The following RLIM variants were observed in gnomAD, a reference collection of about 807,000 sequenced individuals.
The protein encoded by RLIM is ring finger protein, LIM domain interacting, also known as E3 ubiquitin-protein ligase RLIM.
In RLIM, 2 loss-of-function variants were observed where a neutral mutation model predicts 34.0. The observed-to-expected ratio is 0.06, with a 90% confidence interval of 0.02 to 0.19. The LOEUF (loss-of-function observed/expected upper bound fraction) is 0.19, where lower values mean the gene tolerates loss of function less well. RLIM is among the 10% of genes least tolerant of loss of function. The probability of loss-of-function intolerance (pLI) is 1.00; values close to 1 mark genes in which losing one functional copy is unlikely to be tolerated. For synonymous variants in RLIM, 169 were observed against 164.0 expected (o/e 1.03, Z -0.23); for missense variants, 286 against 479.7 (o/e 0.60, Z 3.77).
chrX:74,603,275 C>T (rs2079668684), intron 1 of RLIM, among the ~76,000 whole-genome samples: 1 of 110,432 alleles, frequency 9.1e-6, no homozygotes, highest in African/African-American at 3.3e-5. Flanking sequence ...TACTCCCCTC[C>T]CCCAACATAC....
At chrX:74,613,305 C>T (rs1323907669) in intron 1 of RLIM, among the ~76,000 whole-genome samples, 3 of 110,883 alleles carry the variant, frequency 2.7e-5, no homozygotes, top group South Asian at 3.8e-4. Context: ...TCAGGAAATG[C>T]GGGCTCCTTA....
intron 1 of RLIM, among the ~76,000 whole-genome samples, chrX:74,613,020 A>G (rs1443288774): frequency 9.0e-6 from 1 of 110,799 alleles, no homozygotes; most frequent in East Asian, 2.8e-4. Context: ...TCTTTGTAAC[A>G]TTTTTCAGTA....
chrX:74,604,113 CAA>C (rs60040804), intron 1 of RLIM, among the ~76,000 whole-genome samples: 1 of 78,041 alleles, frequency 1.3e-5, no homozygotes, highest in African/African-American at 4.5e-5. Flanking sequence ...GACTCTGTCT[CAA>C]AAAAAAAAAA....
intron 1 of RLIM, among the ~76,000 whole-genome samples, chrX:74,610,288 G>A (rs190581992): frequency 2.2e-3 from 248 of 110,729 alleles, no homozygotes; most frequent in Middle Eastern, 4.6e-3. Flanking sequence ...GTGGTGGCAC[G>A]TGCCTGTAAT....
At chrX:74,596,754 C>T (rs980568052) in intron 1 of RLIM, among the ~76,000 whole-genome samples, 12 of 111,608 alleles carry the variant, frequency 1.1e-4, no homozygotes, top group African/African-American at 3.9e-4. Flanking sequence ...GTATGTGGCA[C>T]TCCCATTGCT....
intron 1 of RLIM, among the ~76,000 whole-genome samples, chrX:74,596,299 G>T (rs1376387023): frequency 8.9e-6 from 1 of 112,536 alleles, no homozygotes; most frequent in Admixed American, 9.4e-5. Flanking sequence ...AGGCTAGAGT[G>T]TAGTGGTGCG....
chrX:74,597,922 A>G (rs1328914009), intron 1 of RLIM, among the ~76,000 whole-genome samples: 1 of 112,181 alleles, frequency 8.9e-6, no homozygotes, highest in African/African-American at 3.2e-5. Flanking sequence ...ACCGCTCTCA[A>G]TTACTATTAT....
intron 3 of RLIM, 34 bp downstream of exon 3, chrX:74,594,272 G>A (rs766085195): frequency 3.9e-6 from 4 of 1,033,579 alleles, no homozygotes; most frequent in Admixed American, 2.7e-5. Context: ...TCATCCCATC[G>A]TCTATCCACC....
intron 1 of RLIM, among the ~76,000 whole-genome samples, chrX:74,608,428 A>T (rs748790424): frequency 1.3e-5 from 1 of 78,139 alleles, no homozygotes; most frequent in African/African-American, 5.9e-5. Flanking sequence ...AAGCATTCCT[A>T]AAAAAAAAAA....
chrX:74,602,922 ATAGT>A (rs2079667331), intron 1 of RLIM, among the ~76,000 whole-genome samples: 1 of 111,052 alleles, frequency 9.0e-6, no homozygotes, highest in Admixed American at 9.7e-5. Flanking sequence ...ATTAAGGTCA[ATAGT>A]TAAAGACATG....
Position 74,589,936 on chromosome X carries a change from TA to T in RLIM, c.*1503del, listed in dbSNP as rs1333638111. 2 of 112,176 alleles carry T rather than the reference TA, an allele frequency of 1.8e-5. No homozygotes were observed. The highest frequency in any genetic ancestry group is 3.8e-5 in the Non-Finnish European group (2 of 53,236). The allele number at this position is 112,176 out of a possible 1,213,427, so 9.2% of individuals were successfully genotyped here. ...TAGCGAGTCAGCAGTCTCATTTTCA[TA>T]TATGGGCAGCACAATTAAAATTTGA... On this transcript the variant is annotated 3_prime_UTR_variant, in exon 4 of 4. Coordinates refer to ENST00000332687, the MANE Select transcript of RLIM (RefSeq NM_016120.4).
chrX:74,610,001 A>C (rs940859088), intron 1 of RLIM, among the ~76,000 whole-genome samples: 2 of 111,993 alleles, frequency 1.8e-5, no homozygotes, highest in African/African-American at 6.5e-5. Flanking sequence ...AAGCAAACCA[A>C]CCTGTAGTTG....
chrX:74,611,738 T>C (rs1238487200), intron 1 of RLIM, among the ~76,000 whole-genome samples: 3 of 112,149 alleles, frequency 2.7e-5, no homozygotes, highest in Non-Finnish European at 5.6e-5. Context: ...AACCCAGAAG[T>C]ATAACGTCAG....
In RLIM at chrX:74,589,300, A is replaced by T. The variant is rs1179015002; in HGVS notation, c.*2140T>A. 1 of 111,797 alleles carries T rather than the reference A, an allele frequency of 8.9e-6. No homozygotes were observed. Among genetic ancestry groups the T allele is most frequent in the African/African-American group, 3.3e-5 (1 of 30,760 alleles). The allele number at this position is 111,797 out of a possible 1,213,427, so 9.2% of individuals were successfully genotyped here. A position where few individuals can be genotyped will look rare whatever the true frequency, so the allele number is the denominator to read the frequency against. ...AAATTGATTTGTTTTTAGCCAATCAAGACTACCCTGCAGATCTGAAAACTG... is the reference window on the plus strand; with the variant it reads ...AAATTGATTTGTTTTTAGCCAATCATGACTACCCTGCAGATCTGAAAACTG... On this transcript the variant is annotated 3_prime_UTR_variant, in exon 4 of 4. Transcript: ENST00000332687.
chrX:74,591,088 T>C lies in RLIM; in HGVS notation c.*352A>G. On this transcript the variant is annotated 3_prime_UTR_variant, in exon 4 of 4. Transcript: ENST00000332687. Reference sequence around the variant, plus strand: ...AATTTCCTTTGCTCCTCTCTTATGGTGTGGGAAAATTTAAAGATCAACATG... The same window carrying C: ...AATTTCCTTTGCTCCTCTCTTATGGCGTGGGAAAATTTAAAGATCAACATG... 5.3e-6 allele frequency: 1 copy of C among 190,460 alleles called. No homozygotes were observed. The highest frequency in any genetic ancestry group is 1.4e-4 in the South Asian group (1 of 6,995). 15.7% of individuals were successfully genotyped at this position (190,460 alleles called of 1,213,427 possible). A position where few individuals can be genotyped will look rare whatever the true frequency, so the allele number is the denominator to read the frequency against.
intron 1 of RLIM, among the ~76,000 whole-genome samples, chrX:74,596,784 A>G (rs146343290): frequency 9.0e-6 from 1 of 111,120 alleles, no homozygotes; most frequent in Non-Finnish European, 1.9e-5. Context: ...TGCTCTGTGC[A>G]CTCTTAAGTT....
chrX:74,608,764 C>G (rs892755112), intron 1 of RLIM, among the ~76,000 whole-genome samples: 19 of 112,266 alleles, frequency 1.7e-4, no homozygotes, highest in African/African-American at 5.5e-4. Context: ...ACAGTTAAAA[C>G]TGAAAGAGTG....
At chrX:74,599,224 A>G (rs1192734517) in intron 1 of RLIM, among the ~76,000 whole-genome samples, 1 of 112,096 alleles carries the variant, frequency 8.9e-6, no homozygotes, top group Non-Finnish European at 1.9e-5. Context: ...AAACTTAGCC[A>G]AAAATTCTTG....
intron 1 of RLIM, among the ~76,000 whole-genome samples, chrX:74,612,097 A>C (rs985923827): frequency 2.7e-5 from 3 of 112,005 alleles, no homozygotes; most frequent in Non-Finnish European, 5.6e-5. Context: ...TAATAATGAA[A>C]GGAGTCAATA....
Sources: gnomAD v4.1 joint callset for allele counts (sites outside exome capture counted in the v4.1 genomes callset) on GRCh38, gnomAD v4.1.1 for gene constraint, MANE v1.5 for transcripts, NCBI Gene and HGNC (gene_info 2026-07-23, HGNC 2026-07-21) for gene names.